The following TP73 variants were observed in gnomAD, a reference collection of about 807,000 sequenced individuals.
The protein encoded by TP73 is tumor protein p73.
Under a neutral mutation model 62.5 loss-of-function variants are expected in TP73, and 25 were observed. That is an observed-to-expected ratio of 0.40 (90% CI 0.29 to 0.56). The LOEUF is 0.56. TP73 is among the 20% of genes least tolerant of loss of function. The probability of loss-of-function intolerance (pLI) is 0.46; values close to 1 mark genes in which losing one functional copy is unlikely to be tolerated. For synonymous variants in TP73, 423 were observed against 377.5 expected (o/e 1.12, Z -1.40); for missense variants, 754 against 913.3 (o/e 0.83, Z 2.25).
chr1:3,718,121 A>C (rs1640758790), intron 4 of TP73, among the ~76,000 whole-genome samples: 1 of 152,084 alleles, frequency 6.6e-6, no homozygotes, highest in Non-Finnish European at 1.5e-5. Context: ...TCCACACTCC[A>C]GTCCGAGCCC....
At chr1:3,668,803 G>C (rs759190930) in intron 1 of TP73, 16 of 152,370 alleles carry the variant, frequency 1.1e-4, no homozygotes, top group Non-Finnish European at 1.6e-4. Flanking sequence ...CCACAATGAG[G>C]AGTAGAAACG....
At chr1:3,706,446 G>T (rs1380457116) in intron 3 of TP73, among the ~76,000 whole-genome samples, 2 of 114,766 alleles carry the variant, frequency 1.7e-5, no homozygotes. Flanking sequence ...GGACAATCAC[G>T]GTGCCCGCCG....
rs942189743 is a variant in TP73, at chr1:3,696,622, C to G, written c.187-10927C>G. Among the ~76,000 whole-genome samples, 3 of 151,942 alleles carry G rather than the reference C, an allele frequency of 2.0e-5. No homozygotes were observed. Among genetic ancestry groups the G allele is most frequent in the Admixed American group, 1.3e-4 (2 of 15,236 alleles). ...GCTGGCTGGGAGAACAGAAAAGGGA[C>G]TGGGGCTTGGCAACCCAGAGGCTGC... On this transcript the variant is annotated intron_variant, in intron 3 of 13. Transcript: ENST00000378295. This position sits in a 1 kb window ranked among gnomAD's most constrained non-coding sequence, Gnocchi z 4.1.
Position 3,729,570 on chromosome 1 carries a change from G to T in TP73, c.1196+122G>T. 4 of 1,549,794 alleles carry T rather than the reference G, an allele frequency of 2.6e-6. No individual in the cohort carries two copies. In the South Asian group the frequency reaches 4.5e-5, roughly 18 times the overall value. On this transcript the variant is annotated intron_variant, in intron 10 of 13. Coordinates refer to ENST00000378295, the MANE Select transcript of TP73 (RefSeq NM_005427.4). Reference sequence around the variant, plus strand: ...ATCATCTGCCAGGGACAGGCAGCAGGGTCCAGAGCAGAGCCCACCCCACAT... The same window carrying T: ...ATCATCTGCCAGGGACAGGCAGCAGTGTCCAGAGCAGAGCCCACCCCACAT...
At position 3,732,733 on chromosome 1, in the gene TP73, C is replaced by A; in HGVS notation, c.1579-14C>A. 6.4e-7 allele frequency: 1 copy of A among 1,552,814 alleles called. No homozygotes were observed. The highest frequency in any genetic ancestry group is 8.7e-7 in the Non-Finnish European group (1 of 1,146,974). On this transcript the variant is annotated splice_polypyrimidine_tract_variant and intron_variant, in intron 13 of 13. Coordinates refer to ENST00000378295, the MANE Select transcript of TP73 (RefSeq NM_005427.4). ...TCCACTGCCCCCTGCCCCTAATGCG[C>A]CGGCCTCTCGCAGGACCTGGGGGCC...
chr1:3,691,987 G>A (rs1334213834), intron 3 of TP73, among the ~76,000 whole-genome samples: 1 of 151,842 alleles, frequency 6.6e-6, no homozygotes, highest in East Asian at 1.9e-4. Flanking sequence ...TGGTGTGCGT[G>A]CATGTGTGTG....
At chr1:3,709,137 G>T (rs760081928) in intron 4 of TP73, among the ~76,000 whole-genome samples, 18 of 152,184 alleles carry the variant, frequency 1.2e-4, no homozygotes, top group Non-Finnish European at 2.1e-4. Flanking sequence ...TGGGGTCTGG[G>T]TTCCAGGCCC....
chr1:3,666,595 C>T lies in TP73; in HGVS notation c.-34+13954C>T, dbSNP rs934324011. Reference sequence around the variant, plus strand: ...GGGCTTTTAATGGTCCCTCTGCTGGCTCCCTCCCCACCACCTCCTGCCCAC... The same window carrying T: ...GGGCTTTTAATGGTCCCTCTGCTGGTTCCCTCCCCACCACCTCCTGCCCAC... On this transcript the variant is annotated intron_variant, in intron 1 of 13. Transcript: ENST00000378295. The surrounding 1 kb of genome is among the most constrained non-coding windows in gnomAD (Gnocchi z 6.4). 1.3e-5 allele frequency among the ~76,000 whole-genome samples: 2 copies of T among 152,118 alleles called. No individual in the cohort carries two copies. Among genetic ancestry groups the T allele is most frequent in the South Asian group, 2.1e-4 (1 of 4,828 alleles).
intron 4 of TP73, among the ~76,000 whole-genome samples, chr1:3,713,032 C>T (rs977701397): frequency 1.3e-5 from 2 of 152,200 alleles, no homozygotes; most frequent in African/African-American, 4.8e-5. Context: ...GCTGACACCT[C>T]AGAGGGACCT....
chr1:3,725,968 G>T (rs1317634350), intron 6 of TP73, among the ~76,000 whole-genome samples: 1 of 131,230 alleles, frequency 7.6e-6, no homozygotes, highest in East Asian at 2.4e-4. Flanking sequence ...ATGGATGGAT[G>T]GGGTGGATGG....
intron 4 of TP73, among the ~76,000 whole-genome samples, chr1:3,710,200 G>T (rs3753209): frequency 6.8e-6 from 1 of 146,564 alleles, no homozygotes; most frequent in Non-Finnish European, 1.5e-5. Context: ...ATGCTGGGGC[G>T]GGGGGAGGGT....
chr1:3,673,972 G>C (rs575645035), intron 1 of TP73, among the ~76,000 whole-genome samples: 2 of 152,166 alleles, frequency 1.3e-5, no homozygotes, highest in Non-Finnish European at 2.9e-5. Flanking sequence ...TGCTGGGTTC[G>C]ACCTCCACCC....
chr1:3,657,965 G>C (rs551186987), intron 1 of TP73, among the ~76,000 whole-genome samples: 1 of 152,352 alleles, frequency 6.6e-6, no homozygotes, highest in Non-Finnish European at 1.5e-5. Context: ...CCCAGCCCTG[G>C]ACCTGGCCGT....
chr1:3,667,770 AAAAAAAGT>A (rs1645154179), intron 1 of TP73, among the ~76,000 whole-genome samples: 1 of 151,852 alleles, frequency 6.6e-6, no homozygotes, highest in African/African-American at 2.4e-5. Context: ...AAAAAGAAAG[AAAAAAAGT>A]AAAAAAGAAA....
At position 3,708,372 on chromosome 1, in the gene TP73, G is replaced by A. The variant is rs975490377; in HGVS notation, c.429+581G>A. 12 of 160,980 alleles carry A rather than the reference G, an allele frequency of 7.5e-5. No individual in the cohort carries two copies. The South Asian group carries it at 1.1e-3, about 15-fold the overall frequency. 10.0% of individuals were successfully genotyped at this position (160,980 alleles called of 1,614,324 possible). ...TGCCCCTGGAGACAGACTGGCCCACGGTGGGGATCTTGCTAATTCTGATAA... is the reference window on the plus strand; with the variant it reads ...TGCCCCTGGAGACAGACTGGCCCACAGTGGGGATCTTGCTAATTCTGATAA... On this transcript the variant is annotated intron_variant, in intron 4 of 13. Coordinates refer to ENST00000378295, the MANE Select transcript of TP73 (RefSeq NM_005427.4).
At chr1:3,700,204 TCTC>T (rs1639040496) in intron 3 of TP73, among the ~76,000 whole-genome samples, 2 of 146,742 alleles carry the variant, frequency 1.4e-5, no homozygotes, top group African/African-American at 2.5e-5. Flanking sequence ...CCGCCTCACA[TCTC>T]CTCCGCTGGA....
intron 3 of TP73, among the ~76,000 whole-genome samples, chr1:3,695,003 C>A (rs1471008084): frequency 4.6e-5 from 7 of 152,360 alleles, no homozygotes; most frequent in Admixed American, 4.6e-4. Context: ...CCCAGCCATG[C>A]TCTTCACTTG....
chr1:3,653,021 G>C (rs772919366), intron 1 of TP73, among the ~76,000 whole-genome samples: 4 of 151,974 alleles, frequency 2.6e-5, no homozygotes, highest in Non-Finnish European at 5.9e-5. Context: ...GCGGGGCGCG[G>C]GTGCAGGTGG....
chr1:3,708,318 C>T (rs1331359105), intron 4 of TP73: 4 of 166,442 alleles, frequency 2.4e-5, no homozygotes, highest in Non-Finnish European at 2.6e-5. Context: ...GTGGAACCAC[C>T]GTGCCAAGGG....
Sources: gnomAD v4.1 joint callset for allele counts (sites outside exome capture counted in the v4.1 genomes callset) on GRCh38, gnomAD v4.1.1 for gene constraint, Gnocchi (gnomAD v3.1) non-coding constraint, MANE v1.5 for transcripts, NCBI Gene and HGNC (gene_info 2026-07-23, HGNC 2026-07-21) for gene names.